Variants in PPEF2 observed in about 807,000 individuals in gnomAD.
The protein encoded by PPEF2 is protein phosphatase with EF-hand domain 2.
Under a neutral mutation model 84.7 loss-of-function variants are expected in PPEF2, and 84 were observed. The observed-to-expected ratio is 0.99, with a 90% confidence interval of 0.83 to 1.19. The LOEUF (loss-of-function observed/expected upper bound fraction) is 1.19. Among genes scored for constraint, PPEF2 ranks in the 50% most tolerant of loss-of-function variants. The probability of loss-of-function intolerance (pLI) is 0.00; values close to 1 mark genes in which losing one functional copy is unlikely to be tolerated. For missense variants in PPEF2, 924 were observed against 937.5 expected, an observed-to-expected ratio of 0.99 and a Z score of 0.19; for synonymous variants, 346 against 345.2, an observed-to-expected ratio of 1.00 and a Z score of -0.03.
rs546043249 is a variant in PPEF2 at position 75,860,825 on chromosome 4, G to A, written c.2104C>T (p.Arg702Trp). 112 of 1,614,212 alleles carry A rather than the reference G, an allele frequency of 6.9e-5. No individual in the cohort carries two copies. The highest frequency in any genetic ancestry group is 4.9e-4 in the Middle Eastern group (3 of 6,062). Reference protein sequence around the residue: ...ITDDCICDLARSIDFNKDGHI... With the variant: ...ITDDCICDLAWSIDFNKDGHI... ...CCATCTTTGTTGAAATCAATGCTCC[G>A]AGCAAGGTCACAGATGCAGTCATCT... The change falls in exon 17 of 17, where the codon CGG (arginine) becomes TGG (tryptophan). Residue 702 changes from arginine (R) to tryptophan (W), a missense_variant. Arg to Trp is a moderately radical substitution (Grantham distance 101, BLOSUM62 -3). Transcript: ENST00000286719.
intron 11 of PPEF2, 124 bp from the exon 12 acceptor site, chr4:75,873,436 C>T: frequency 1.1e-6 from 1 of 918,202 alleles, no homozygotes; most frequent in East Asian, 2.7e-5. Context: ...AATGTCCATG[C>T]AAGCAATATT....
At chr4:75,890,422 G>A (rs1724849104) in intron 4 of PPEF2, among the ~76,000 whole-genome samples, 1 of 148,500 alleles carries the variant, frequency 6.7e-6, no homozygotes, top group African/African-American at 2.5e-5. Flanking sequence ...CTGGGATGCA[G>A]AGGTTTCAAT....
chr4:75,883,250 A>G, intron 8 of PPEF2, 48 bp from the exon 9 acceptor site: 1 of 1,534,392 alleles, frequency 6.5e-7, no homozygotes, highest in Non-Finnish European at 9.0e-7. Context: ...GGGTGACAAT[A>G]ATCAGGGCAT....
chr4:75,896,452 G>A (rs1307331652), intron 1 of PPEF2, 69 bp from the exon 2 acceptor site: 1 of 961,154 alleles, frequency 1.0e-6, no homozygotes, highest in Non-Finnish European at 1.7e-6. Context: ...GGGCCAAATT[G>A]TCTATGAATC....
At chr4:75,884,789 T>C (rs1027979922) in intron 7 of PPEF2, 29 bp from the exon 8 acceptor site, 1 of 1,522,188 alleles carries the variant, frequency 6.6e-7, no homozygotes, top group African/African-American at 1.4e-5. Flanking sequence ...AGTGAAAGAA[T>C]GAATGGGAGG....
intron 1 of PPEF2, 114 bp from the exon 2 acceptor site, chr4:75,896,497 G>C: frequency 1.5e-6 from 1 of 676,732 alleles, no homozygotes; most frequent in South Asian, 1.7e-5. Flanking sequence ...TCCAGTCTAA[G>C]TGCACAAGAT....
At chr4:75,894,649 G>C (rs1225437581) in intron 2 of PPEF2, among the ~76,000 whole-genome samples, 1 of 152,140 alleles carries the variant, frequency 6.6e-6, no homozygotes, top group African/African-American at 2.4e-5. Context: ...CACCTGTATG[G>C]GGATGAGAGT....
chr4:75,886,012 A>G (rs926781262), intron 7 of PPEF2, among the ~76,000 whole-genome samples: 6 of 109,330 alleles, frequency 5.5e-5, no homozygotes, highest in Admixed American at 1.6e-4. Context: ...TCTGTCTTAA[A>G]AAAAAAAAAA....
At chr4:75,892,238 T>C (rs1396321595) in intron 2 of PPEF2, among the ~76,000 whole-genome samples, 7 of 152,250 alleles carry the variant, frequency 4.6e-5, no homozygotes. Context: ...AATTCCCATG[T>C]ATTGATGAAA....
chr4:75,890,779 G>A (rs1724858619), intron 4 of PPEF2, among the ~76,000 whole-genome samples: 1 of 152,246 alleles, frequency 6.6e-6, no homozygotes, highest in Non-Finnish European at 1.5e-5. Context: ...CGCAACAGGT[G>A]CATCAGACCT....
At chr4:75,888,401 C>T (rs1005050151) in intron 5 of PPEF2, 73 bp from the exon 6 acceptor site, 2 of 1,137,466 alleles carry the variant, frequency 1.8e-6, no homozygotes, top group Non-Finnish European at 2.6e-6. Flanking sequence ...CTTACCTTTA[C>T]TGCTTAACAA....
Position 75,896,370 on chromosome 4 carries a change from C to G in PPEF2, c.-45G>C. The G allele has an allele frequency of 6.3e-7, 1 of 1,599,038 alleles. No homozygotes were observed. The highest frequency in any genetic ancestry group is 8.6e-7 in the Non-Finnish European group (1 of 1,166,278). On this transcript the variant is annotated 5_prime_UTR_variant, in exon 2 of 17. Coordinates refer to ENST00000286719, the MANE Select transcript of PPEF2 (RefSeq NM_006239.3). ...TGCAGGACGCAGCAGATCCAGAGGA[C>G]AGTGAGCTGTTTGCTGACAAAATGA...
chr4:75,880,621 A>G (rs746642994), intron 10 of PPEF2, among the ~76,000 whole-genome samples: 1 of 152,112 alleles, frequency 6.6e-6, no homozygotes, highest in African/African-American at 2.4e-5. Flanking sequence ...CCAGACATAC[A>G]TGCAGCTGGA....
In PPEF2 at chr4:75,860,552, A is replaced by T; in HGVS notation, c.*115T>A. The T allele has an allele frequency of 1.5e-6, 2 of 1,324,662 alleles. No homozygotes were observed. The highest frequency in any genetic ancestry group is 2.8e-5 in the South Asian group (2 of 71,098). The allele number at this position is 1,324,662 out of a possible 1,614,324, so 82.1% of individuals were successfully genotyped here. On this transcript the variant is annotated 3_prime_UTR_variant, in exon 17 of 17. Coordinates refer to ENST00000286719, the MANE Select transcript of PPEF2 (RefSeq NM_006239.3). The stretch of plus-strand genomic sequence containing the variant: ...TGAAATACACAGGTGATTCTGATGC[A>T]TATGGATAGGTAAATTTTCAGCATA...
chr4:75,899,880 G>C (rs186690033), intron 1 of PPEF2, among the ~76,000 whole-genome samples: 50 of 152,262 alleles, frequency 3.3e-4, no homozygotes, highest in Admixed American at 2.6e-3. Flanking sequence ...TGATACATTG[G>C]TAACTTGCCT....
At chr4:75,882,775 G>GAGAC in intron 10 of PPEF2, 151 bp downstream of exon 10, 2 of 798,404 alleles carry the variant, frequency 2.5e-6, no homozygotes, top group Non-Finnish European at 3.9e-6. Context: ...TTATAGGTGT[G>GAGAC]AGACACTGTG....
Position 75,859,901 on chromosome 4 carries a change from A to T in PPEF2, c.*766T>A, listed in dbSNP as rs962519216. Reference sequence around the variant, plus strand: ...CAATTAGATATTAATTTATTTTTTTAAAAGTAGAACATAAAATTATATAAA... The same window carrying T: ...CAATTAGATATTAATTTATTTTTTTTAAAGTAGAACATAAAATTATATAAA... On this transcript the variant is annotated 3_prime_UTR_variant, in exon 17 of 17. Coordinates refer to ENST00000286719, the MANE Select transcript of PPEF2 (RefSeq NM_006239.3). 5.3e-5 allele frequency: 8 copies of T among 152,238 alleles called. No homozygotes were observed. Among genetic ancestry groups the T allele is most frequent in the Admixed American group, 1.3e-4 (2 of 15,282 alleles). 9.4% of individuals were successfully genotyped at this position (152,238 alleles called of 1,614,324 possible). A position where few individuals can be genotyped will look rare whatever the true frequency, so the allele number is the denominator to read the frequency against.
At position 75,884,757 on chromosome 4, in the gene PPEF2, C is replaced by A; in HGVS notation, c.583G>T (p.Gly195Cys). 6.4e-7 allele frequency: 1 copy of A among 1,574,658 alleles called. No individual in the cohort carries two copies. Among genetic ancestry groups the A allele is most frequent in the Non-Finnish European group, 8.6e-7 (1 of 1,164,082 alleles). ...TATGACCGTTCTGGCGACGGGAGGC[C>A]ATTCTTTTCAACAAGGAGACCAGTG... ...DDLIFIFYKN[G>C]LPSPERSYVF... is the part of the protein sequence containing the mutation. Residue 195 changes from glycine to cysteine, a missense_variant, in exon 8 of 17, where the codon GGC becomes TGC. Coordinates refer to ENST00000286719, the MANE Select transcript of PPEF2 (RefSeq NM_006239.3).
In PPEF2 at chr4:75,860,673, T is replaced by G; in HGVS notation, c.2256A>C (p.Ala752=). 6.2e-7 allele frequency: 1 copy of G among 1,614,046 alleles called. No individual in the cohort carries two copies. The highest frequency in any genetic ancestry group is 8.5e-7 in the Non-Finnish European group (1 of 1,180,014). ...GATGAAGACCAGGCTGTTCTTAGTGTGCACCTGGACTGCTGCAGCCACTGT... is the reference window on the plus strand; with the variant it reads ...GATGAAGACCAGGCTGTTCTTAGTGGGCACCTGGACTGCTGCAGCCACTGT... ...AKDSGCSSPG[A]H is the part of the protein sequence containing the mutation. The change falls in exon 17 of 17, where the codon GCA becomes GCC. Residue 752 remains alanine (A), a synonymous_variant. Coordinates refer to ENST00000286719, the MANE Select transcript of PPEF2 (RefSeq NM_006239.3).
Sources: allele counts gnomAD v4.1 joint callset (sites outside exome capture counted in the v4.1 genomes callset), GRCh38; gene constraint gnomAD v4.1.1; transcripts MANE v1.5; gene names NCBI Gene and HGNC (gene_info 2026-07-23, HGNC 2026-07-21).